The following FRK variants were observed in gnomAD, a reference collection of about 807,000 sequenced individuals.
The protein encoded by FRK is fyn related Src family tyrosine kinase, also known as tyrosine-protein kinase FRK.
In FRK, 51 loss-of-function variants were observed where a neutral mutation model predicts 56.4. That is an observed-to-expected ratio of 0.90 (90% CI 0.72 to 1.14). FRK has a LOEUF of 1.14. Among genes scored for constraint, FRK ranks in the 50% most tolerant of loss-of-function variants. The pLI is 0.00. For synonymous variants in FRK, 245 were observed against 217.9 expected (o/e 1.12, Z -1.10); for missense variants, 570 against 601.4 (o/e 0.95, Z 0.55).
intron 1 of FRK, among the ~76,000 whole-genome samples, chr6:116,015,369 G>A (rs932572346): frequency 2.6e-5 from 4 of 152,172 alleles, no homozygotes; most frequent in Non-Finnish European, 5.9e-5. Context: ...GTCTTCCCCA[G>A]CCATCCAGAA....
At chr6:116,046,670 T>A (rs1239247367) in intron 1 of FRK, among the ~76,000 whole-genome samples, 1 of 151,962 alleles carries the variant, frequency 6.6e-6, no homozygotes, top group Non-Finnish European at 1.5e-5. Context: ...TTAAGAGAAA[T>A]ACCTAAGGTA....
chr6:115,987,365 G>A (rs533185026), intron 2 of FRK, among the ~76,000 whole-genome samples: 9 of 152,114 alleles, frequency 5.9e-5, no homozygotes, highest in South Asian at 4.1e-4. Context: ...TGCAGAGTTC[G>A]TTATCATAAA....
At chr6:115,944,493 G>T (rs1772342526) in intron 5 of FRK, 68 bp from the exon 6 acceptor site, 3 of 1,247,200 alleles carry the variant, frequency 2.4e-6, no homozygotes, top group Admixed American at 2.4e-5. Context: ...TGAATTCTGA[G>T]AATTTTGAAT....
rs770056660 is a variant in FRK at position 115,956,508 on chromosome 6, G to T, written c.902C>A (p.Pro301Gln). 8.2e-6 allele frequency: 13 copies of T among 1,584,096 alleles called. No individual in the cohort carries two copies. In the Admixed American group the frequency reaches 8.8e-5, roughly 11 times the overall value. ...CATCAACTCTGTAATAATATAAATT[G>T]GATCTTCTAAAGTGCAAACAGCATA... ...QLYAVCTLED[P>Q]IYIITELMRH... The change falls in exon 5 of 8, where the codon CCA becomes CAA. Residue 301 changes from proline (P) to glutamine (Q), a missense_variant. Transcript: ENST00000606080.
At chr6:115,944,746 CA>C (rs1772356579) in intron 5 of FRK, among the ~76,000 whole-genome samples, 1 of 151,892 alleles carries the variant, frequency 6.6e-6, no homozygotes, top group Admixed American at 6.6e-5. Flanking sequence ...ATTTTAAGTT[CA>C]GGGGTACATT....
chr6:116,063,762 G>A (rs1777699901), upstream of FRK, among the ~76,000 whole-genome samples: 1 of 152,024 alleles, frequency 6.6e-6, no homozygotes, highest in Admixed American at 6.5e-5. Flanking sequence ...GTAAAAATAA[G>A]AGAATGTTAC....
chr6:115,973,015 G>A (rs1251067293), intron 2 of FRK, among the ~76,000 whole-genome samples: 1 of 152,166 alleles, frequency 6.6e-6, no homozygotes, highest in Non-Finnish European at 1.5e-5. Context: ...ACTTTCAGCA[G>A]TGATATCATT....
the FRK span, among the ~76,000 whole-genome samples, chr6:116,069,959 A>G: frequency 6.6e-6 from 1 of 152,138 alleles, no homozygotes; most frequent in Non-Finnish European, 1.5e-5. Flanking sequence ...GCAGGAATTT[A>G]GTGACTCAAT....
In FRK at chr6:115,942,653, C is replaced by A. The variant is rs1263568407; in HGVS notation, c.1307-28G>T. The A allele has an allele frequency of 3.4e-5, 53 of 1,555,744 alleles. No individual in the cohort carries two copies. The Admixed American group carries it at 5.9e-4, about 17-fold the overall frequency. ...TGAAAATACAGAACGAAACCAACAACAACAAAAAAAACAAGTTAAAGGTCA... is the reference window on the plus strand; with the variant it reads ...TGAAAATACAGAACGAAACCAACAAAAACAAAAAAAACAAGTTAAAGGTCA... On this transcript the variant is annotated intron_variant, in intron 7 of 7. Transcript: ENST00000606080.
At chr6:116,079,411 T>C in the FRK span, among the ~76,000 whole-genome samples, 1 of 151,938 alleles carries the variant, frequency 6.6e-6, no homozygotes, top group Non-Finnish European at 1.5e-5. Flanking sequence ...TTTGTTTTTT[T>C]TTTCAGAGTT....
At chr6:115,994,851 CAG>C (rs1774775379) in intron 2 of FRK, among the ~76,000 whole-genome samples, 1 of 152,054 alleles carries the variant, frequency 6.6e-6, no homozygotes. Context: ...ATCTGCAAAC[CAG>C]GAAGAAAGCC....
Position 115,944,355 on chromosome 6 carries a change from G to A in FRK, c.1029C>T (p.Ala343=). Reference sequence around the variant, plus strand: ...GAATGTAGTTCCGAGACTCCAGATAGGCCATTCCAGAGGCAACCTGTGCCG... The same window carrying A: ...GAATGTAGTTCCGAGACTCCAGATAAGCCATTCCAGAGGCAACCTGTGCCG... ...DMAAQVASGM[A]YLESRNYIHR... The change falls in exon 6 of 8, where the codon GCC becomes GCT. Residue 343 remains alanine (A), a synonymous_variant. Transcript: ENST00000606080. The A allele has an allele frequency of 6.2e-7, 1 of 1,612,960 alleles. No homozygotes were observed. Among genetic ancestry groups the A allele is most frequent in the Non-Finnish European group, 8.5e-7 (1 of 1,179,568 alleles).
chr6:116,063,490 G>T (rs1777689354), upstream of FRK, among the ~76,000 whole-genome samples: 1 of 151,596 alleles, frequency 6.6e-6, no homozygotes, highest in East Asian at 1.9e-4. Flanking sequence ...ACTTATATGT[G>T]GAAGCTAAAA....
At chr6:115,961,897 G>A (rs370113699) in intron 4 of FRK, among the ~76,000 whole-genome samples, 12 of 23,486 alleles carry the variant, frequency 5.1e-4, no homozygotes, top group South Asian at 2.1e-3. Context: ...TGAAGGAAGC[G>A]CTAAACATGG....
At chr6:115,945,807 T>C (rs1220600960) in intron 5 of FRK, among the ~76,000 whole-genome samples, 1 of 152,134 alleles carries the variant, frequency 6.6e-6, no homozygotes, top group Admixed American at 6.6e-5. Context: ...TCTCCAGACA[T>C]GCACATACCT....
rs141735851 is a variant in FRK at position 115,972,496 on chromosome 6, A to T, written c.467-3757T>A. On this transcript the variant is annotated intron_variant, in intron 2 of 7. Coordinates refer to ENST00000606080, the MANE Select transcript of FRK (RefSeq NM_002031.3). ...GTCCCATTCATTAGCCCAGGAATAA[A>T]GGGGGTTCCATAGTGTGCCAACAGC... Among the ~76,000 whole-genome samples the T allele has an allele frequency of 1.0e-3, 156 of 152,318 alleles. 3 individuals carry two copies. Among genetic ancestry groups the T allele is most frequent in the Non-Finnish European group, 1.1e-3 (72 of 68,022 alleles).
rs144607628 is a variant in FRK at position 116,040,292 on chromosome 6, G to A, written c.344+19676C>T. Among the ~76,000 whole-genome samples the A allele has an allele frequency of 2.5e-3, 385 of 151,988 alleles. 1 individual carries two copies. Among genetic ancestry groups the A allele is most frequent in the Non-Finnish European group, 3.9e-3 (267 of 67,946 alleles). ...TCACAATGTCTATATTTGACCTTAT[G>A]GCCAGCATACTAGCTACCTTTATTT... On this transcript the variant is annotated intron_variant, in intron 1 of 7. Transcript: ENST00000606080.
chr6:116,019,686 T>C (rs1345102889), intron 1 of FRK, among the ~76,000 whole-genome samples: 1 of 152,136 alleles, frequency 6.6e-6, no homozygotes, highest in Non-Finnish European at 1.5e-5. Context: ...GCAGAAATAA[T>C]AAGCAGAGCC....
intron 2 of FRK, among the ~76,000 whole-genome samples, chr6:115,999,612 T>C (rs1774972207): frequency 6.6e-6 from 1 of 152,166 alleles, no homozygotes; most frequent in Non-Finnish European, 1.5e-5. Context: ...AAGAAAGAGA[T>C]AGAAAAGGGA....
Sources: gnomAD v4.1 joint callset for allele counts (sites outside exome capture counted in the v4.1 genomes callset) on GRCh38, gnomAD v4.1.1 for gene constraint, MANE v1.5 for transcripts, NCBI Gene and HGNC (gene_info 2026-07-23, HGNC 2026-07-21) for gene names.